SPEF2: variants seen among roughly 807,000 people sequenced by gnomAD.
SPEF2 encodes the protein sperm flagella and cilia-associated protein 2.
A neutral mutation model predicts 224.6 loss-of-function variants in SPEF2; 187 were observed. That is an observed-to-expected ratio of 0.83 (90% CI 0.74 to 0.94). The LOEUF is 0.94. Among genes scored for constraint, SPEF2 ranks in the 40% least tolerant of loss-of-function variants. The pLI is 0.00. For synonymous variants in SPEF2, 715 were observed against 707.3 expected, an observed-to-expected ratio of 1.01 and a Z score of -0.17; for missense variants, 2,170 against 2,135.6, an observed-to-expected ratio of 1.02 and a Z score of -0.32.
At chr5:35,659,982 G>A (rs373164812) in intron 8 of SPEF2, among the ~76,000 whole-genome samples, 1 of 151,902 alleles carries the variant, frequency 6.6e-6, no homozygotes, top group Non-Finnish European at 1.5e-5. Flanking sequence ...AGGGTACTGT[G>A]GTGCACTGTA....
rs1190074268 is a variant in SPEF2, at chr5:35,806,875, G to T, written c.5179G>T (p.Val1727Leu). Residue 1727 changes from valine (V) to leucine (L), a missense_variant, in exon 35 of 37, where the codon GTG (valine) becomes TTG (leucine). Transcript: ENST00000356031. ...EKMSMETLLK[V>L]FKGGSEAQDS... is the part of the protein sequence containing the mutation. ...GATGTCCATGGAAACACTACTCAAA[G>T]TGTTCAAAGGGGGAAGTGAAGCACA... The T allele has an allele frequency of 1.2e-6, 2 of 1,614,118 alleles. No homozygotes were observed. The highest frequency in any genetic ancestry group is 2.2e-5 in the East Asian group (1 of 44,870).
At position 35,811,503 on chromosome 5, in the gene SPEF2, G is replaced by T. The variant is rs527648285; in HGVS notation, c.5380-2961G>T. On this transcript the variant is annotated intron_variant, in intron 36 of 36. Transcript: ENST00000356031. ...TTTGGTTATGAGAGTGGGCTCTGGA[G>T]CTGCACTGACTGGGTTCATACCTAT... 4.4e-4 allele frequency among the ~76,000 whole-genome samples: 67 copies of T among 152,248 alleles called. 1 individual carries two copies. The highest frequency in any genetic ancestry group is 3.4e-3 in the Middle Eastern group (1 of 294).
intron 16 of SPEF2, among the ~76,000 whole-genome samples, chr5:35,701,604 G>A (rs1298924550): frequency 6.6e-6 from 1 of 152,062 alleles, no homozygotes; most frequent in Non-Finnish European, 1.5e-5. Context: ...ATTCTATAGG[G>A]GTCTGTGCCT....
Position 35,675,708 on chromosome 5 carries a change from A to T in SPEF2, c.1524+5481A>T, listed in dbSNP as rs116526796. 3.3e-3 allele frequency: 899 copies of T among 276,362 alleles called. 10 individuals carry two copies. Among genetic ancestry groups the T allele is most frequent in the African/African-American group, 0.019 (852 of 45,978 alleles). 17.1% of individuals were successfully genotyped at this position (276,362 alleles called of 1,614,324 possible). On this transcript the variant is annotated intron_variant, in intron 10 of 36. Coordinates refer to ENST00000356031, the MANE Select transcript of SPEF2 (RefSeq NM_024867.4). ...CTAATTTTCTGTATTTTTAGTAGAG[A>T]CAGGCTTTCAACGTGTTAGCCAGGA...
intron 8 of SPEF2, among the ~76,000 whole-genome samples, chr5:35,662,265 A>G (rs565787808): frequency 6.6e-6 from 1 of 152,024 alleles, no homozygotes; most frequent in Admixed American, 6.5e-5. Context: ...CCACTTTTTA[A>G]TGGGGTTGTT....
chr5:35,792,627 A>G lies in SPEF2; in HGVS notation c.4554+181A>G, dbSNP rs1333551351. ...AAAACATATAATATGCATATGCTCA[A>G]TATTTGAAGAATAAGTGATGATCTG... On this transcript the variant is annotated intron_variant, in intron 31 of 36. Transcript: ENST00000356031. Among the ~76,000 whole-genome samples, 4 of 152,242 alleles carry G rather than the reference A, an allele frequency of 2.6e-5. No individual in the cohort carries two copies. The East Asian group carries it at 5.8e-4, about 22-fold the overall frequency.
intron 30 of SPEF2, chr5:35,788,170 T>G (rs1755435530): frequency 1.4e-6 from 1 of 702,876 alleles, no homozygotes; most frequent in Admixed American, 2.0e-5. Flanking sequence ...AAGCAACAAG[T>G]AGCTCTCCAG....
intron 14 of SPEF2, among the ~76,000 whole-genome samples, chr5:35,697,015 G>T (rs895259712): frequency 8.5e-5 from 13 of 152,164 alleles, no homozygotes; most frequent in African/African-American, 2.9e-4. Context: ...AATCAGGTCA[G>T]TCAGGGCCTC....
chr5:35,778,235 C>T (rs1753866991), intron 29 of SPEF2, among the ~76,000 whole-genome samples: 1 of 152,094 alleles, frequency 6.6e-6, no homozygotes, highest in East Asian at 1.9e-4. Context: ...TTCAATACAG[C>T]GATAATGCAC....
chr5:35,647,271 G>C (rs1479642791), intron 5 of SPEF2, among the ~76,000 whole-genome samples: 1 of 151,782 alleles, frequency 6.6e-6, no homozygotes, highest in Non-Finnish European at 1.5e-5. Flanking sequence ...AAGGGGGAGG[G>C]GAAGTGGAGC....
intron 12 of SPEF2, 136 bp downstream of exon 12, chr5:35,692,860 A>C: frequency 1.4e-6 from 1 of 704,186 alleles, no homozygotes; most frequent in East Asian, 3.0e-5. Context: ...GTTCTGCAAA[A>C]GTCTAGAAAA....
chr5:35,755,765 A>G (rs1750348346), intron 24 of SPEF2, among the ~76,000 whole-genome samples: 1 of 151,900 alleles, frequency 6.6e-6, no homozygotes, highest in Non-Finnish European at 1.5e-5. Flanking sequence ...GCCCACCACC[A>G]CGCCTGGCTA....
chr5:35,708,504 C>T (rs1740272484), intron 18 of SPEF2, among the ~76,000 whole-genome samples: 1 of 150,844 alleles, frequency 6.6e-6, no homozygotes, highest in Non-Finnish European at 1.5e-5. Flanking sequence ...CACACAAATA[C>T]ACATATATTC....
chr5:35,643,781 T>G, intron 3 of SPEF2: 1 of 269,984 alleles, frequency 3.7e-6, no homozygotes, highest in Non-Finnish European at 7.5e-6. Context: ...TTATGAATAT[T>G]ATCTCACTGG....
intron 10 of SPEF2, chr5:35,684,101 A>T (rs1753228167): frequency 6.6e-6 from 1 of 152,192 alleles, no homozygotes; most frequent in African/African-American, 2.4e-5. Context: ...ATCTACATAG[A>T]TAATAAATAT....
intron 6 of SPEF2, among the ~76,000 whole-genome samples, chr5:35,653,671 G>T (rs1748514595): frequency 6.6e-6 from 1 of 152,140 alleles, no homozygotes; most frequent in African/African-American, 2.4e-5. Context: ...GTAAGGCCGG[G>T]CGCAGTGACT....
intron 20 of SPEF2, among the ~76,000 whole-genome samples, chr5:35,719,855 C>T (rs1009536863): frequency 7.2e-5 from 11 of 152,272 alleles, no homozygotes; most frequent in African/African-American, 2.6e-4. Context: ...CCACTGACCT[C>T]ATGGTCCACC....
intron 23 of SPEF2, among the ~76,000 whole-genome samples, chr5:35,746,899 G>T (rs1748630861): frequency 6.6e-6 from 1 of 152,130 alleles, no homozygotes; most frequent in African/African-American, 2.4e-5. Context: ...ACAAAGGAAA[G>T]AATTTTCAGA....
At chr5:35,789,980 A>G (rs905967368) in intron 30 of SPEF2, 1 of 700,776 alleles carries the variant, frequency 1.4e-6, no homozygotes, top group Non-Finnish European at 2.6e-6. Flanking sequence ...GTTTGGGTAA[A>G]ACTTGGGAGT....
Sources: allele counts gnomAD v4.1 joint callset (sites outside exome capture counted in the v4.1 genomes callset), GRCh38; gene constraint gnomAD v4.1.1; transcripts MANE v1.5; gene names NCBI Gene and HGNC (gene_info 2026-07-23, HGNC 2026-07-21).